DNAH14: variants seen among roughly 807,000 people sequenced by gnomAD.
The protein encoded by DNAH14 is axonemal beta dynein heavy chain 14.
A neutral mutation model predicts 520.9 loss-of-function variants in DNAH14; 478 were observed. The ratio of observed to expected loss-of-function variants is 0.92; its 90% confidence interval spans 0.85 to 0.99. The LOEUF (loss-of-function observed/expected upper bound fraction) is 0.99. Ranked by LOEUF, DNAH14 falls within the 50% of genes least tolerant of loss-of-function variation. DNAH14 has a pLI of 0.00. For synonymous variants in DNAH14, 1,581 were observed against 1,757.2 expected, an observed-to-expected ratio of 0.90 and a Z score of 2.51; for missense variants, 4,831 against 5,234.5, an observed-to-expected ratio of 0.92 and a Z score of 2.38.
chr1:224,997,434 T>TTTTGTTTG (rs200064622), intron 8 of DNAH14, among the ~76,000 whole-genome samples: 49 of 150,488 alleles, frequency 3.3e-4, no homozygotes, highest in East Asian at 2.4e-3. Context: ...GCAGGTTTTT[T>TTTTGTTTG]TTTGTTTGTT....
chr1:225,043,027 T>G lies in DNAH14; in HGVS notation c.1681T>G (p.Cys561Gly), dbSNP rs926382923. 3.2e-6 allele frequency: 5 copies of G among 1,551,472 alleles called. No individual in the cohort carries two copies. In the African/African-American group the frequency reaches 6.8e-5, roughly 21 times the overall value. The change falls in exon 13 of 86, where the codon TGT (cysteine) becomes GGT (glycine). Residue 561 changes from cysteine to glycine, a missense_variant. Coordinates refer to ENST00000682510, the MANE Select transcript of DNAH14 (RefSeq NM_001367479.1). ...EDEMSENKDN[C>G]VKKHSSEELL... ...TGAAATGTCAGAAAATAAAGACAAT[T>G]GTGTCAAAAAACACTCAAGTGAAGA... is the stretch of plus-strand genomic sequence containing the variant.
intron 7 of DNAH14, 34 bp downstream of exon 7, chr1:224,968,908 G>A: frequency 1.4e-6 from 2 of 1,440,418 alleles, no homozygotes; most frequent in Non-Finnish European, 1.9e-6. Flanking sequence ...ATTCTTTGTA[G>A]TTTGATCCTA....
chr1:225,029,857 C>T (rs2066403350), intron 11 of DNAH14, among the ~76,000 whole-genome samples: 1 of 151,898 alleles, frequency 6.6e-6, no homozygotes, highest in Non-Finnish European at 1.5e-5. Context: ...TTGGTCAAAC[C>T]TATAAATAAT....
chr1:225,081,797 C>A (rs1235645584), intron 19 of DNAH14, among the ~76,000 whole-genome samples: 3 of 152,112 alleles, frequency 2.0e-5, no homozygotes, highest in African/African-American at 7.2e-5. Flanking sequence ...ACCTTCCACT[C>A]CATAGGTTTT....
chr1:225,250,514 G>T (rs534473781), intron 43 of DNAH14: 12 of 418,882 alleles, frequency 2.9e-5, no homozygotes, highest in African/African-American at 6.2e-5. Flanking sequence ...CGTATGTGGC[G>T]TGCTGTTTTA....
At chr1:225,319,713 C>T (rs542432176) in intron 61 of DNAH14, among the ~76,000 whole-genome samples, 1 of 152,212 alleles carries the variant, frequency 6.6e-6, no homozygotes, top group African/African-American at 2.4e-5. Context: ...ACATTAAGTG[C>T]CAGGCCCTGT....
In DNAH14 at chr1:225,080,002, A is replaced by G. The variant is rs546195497; in HGVS notation, c.2767-377A>G. On this transcript the variant is annotated intron_variant, in intron 18 of 85. Transcript: ENST00000682510. ...CAAGTATTCTTCAACTGGAATTCAC[A>G]GACAGAATTTTGGTGATTTGTGAAC... Among the ~76,000 whole-genome samples the G allele has an allele frequency of 2.6e-5, 4 of 152,236 alleles. 1 individual carries two copies. The South Asian group carries it at 8.3e-4, about 32-fold the overall frequency.
intron 10 of DNAH14, among the ~76,000 whole-genome samples, chr1:225,018,102 C>T (rs2065361167): frequency 6.6e-6 from 1 of 152,152 alleles, no homozygotes; most frequent in African/African-American, 2.4e-5. Context: ...AATTCAGAAT[C>T]TGAATGGCAA....
rs7525392 is a variant in DNAH14, at chr1:225,179,466, C to T, written c.5536-5825C>T. 4.3e-4 allele frequency among the ~76,000 whole-genome samples: 65 copies of T among 152,208 alleles called. 1 individual carries two copies. The highest frequency in any genetic ancestry group is 1.1e-3 in the African/African-American group (46 of 41,540). On this transcript the variant is annotated intron_variant, in intron 36 of 85. Coordinates refer to ENST00000682510, the MANE Select transcript of DNAH14 (RefSeq NM_001367479.1). ...CATGACAACATAACTTTAATCACAA[C>T]GAAAAGAAACAAACTAAACTAAAAA...
chr1:225,074,765 G>T (rs982133498), intron 17 of DNAH14, among the ~76,000 whole-genome samples: 1 of 152,210 alleles, frequency 6.6e-6, no homozygotes, highest in South Asian at 2.1e-4. Context: ...CTCCAAAGCC[G>T]CAGGCTATAG....
At chr1:225,017,334 T>C (rs1357657524) in intron 10 of DNAH14, among the ~76,000 whole-genome samples, 1 of 152,250 alleles carries the variant, frequency 6.6e-6, no homozygotes, top group African/African-American at 2.4e-5. Context: ...ATGAAAGTTG[T>C]TGATAAAGTT....
intron 80 of DNAH14, 91 bp downstream of exon 80, chr1:225,380,413 T>A: frequency 7.3e-7 from 1 of 1,370,500 alleles, no homozygotes; most frequent in Non-Finnish European, 9.7e-7. Context: ...AAGACAAAAA[T>A]TCTGTAGAAG....
At chr1:225,165,884 C>T (rs1048026112) in intron 35 of DNAH14, among the ~76,000 whole-genome samples, 4 of 152,128 alleles carry the variant, frequency 2.6e-5, no homozygotes, top group Non-Finnish European at 5.9e-5. Flanking sequence ...CGCGCATGGC[C>T]TCATATTTTT....
chr1:225,177,947 T>G (rs1378584452), intron 36 of DNAH14, among the ~76,000 whole-genome samples: 3 of 152,062 alleles, frequency 2.0e-5, no homozygotes. Flanking sequence ...GCTTGCACTG[T>G]GCACCTGGAA....
At chr1:225,394,570 C>T (rs1440378455) in intron 84 of DNAH14, among the ~76,000 whole-genome samples, 2 of 152,150 alleles carry the variant, frequency 1.3e-5, no homozygotes, top group African/African-American at 2.4e-5. Context: ...AGGCCAGGCA[C>T]GGTGGCTCAC....
At chr1:225,041,563 A>G (rs577541292) in intron 12 of DNAH14, among the ~76,000 whole-genome samples, 1 of 152,232 alleles carries the variant, frequency 6.6e-6, no homozygotes, top group Non-Finnish European at 1.5e-5. Context: ...ACCACATGCT[A>G]GCAATATAGC....
intron 17 of DNAH14, among the ~76,000 whole-genome samples, chr1:225,060,475 C>T (rs1205100729): frequency 1.3e-5 from 2 of 152,140 alleles, no homozygotes; most frequent in Non-Finnish European, 2.9e-5. Flanking sequence ...TCCTTTAGCT[C>T]AGAGTAGTTT....
At chr1:225,022,186 A>AC (rs1389886064) in intron 10 of DNAH14, among the ~76,000 whole-genome samples, 2 of 152,036 alleles carry the variant, frequency 1.3e-5, no homozygotes, top group Admixed American at 1.3e-4. Context: ...CTGGACATCA[A>AC]CCTTGACAAA....
chr1:225,393,579 C>T (rs889751025), intron 84 of DNAH14, among the ~76,000 whole-genome samples: 1 of 152,160 alleles, frequency 6.6e-6, no homozygotes, highest in African/African-American at 2.4e-5. Flanking sequence ...TATATGTGGT[C>T]TGTCATTGGC....
Sources: allele counts gnomAD v4.1 joint callset (sites outside exome capture counted in the v4.1 genomes callset), GRCh38; gene constraint gnomAD v4.1.1; transcripts MANE v1.5; gene names NCBI Gene and HGNC (gene_info 2026-07-23, HGNC 2026-07-21).